Variants in ZC3H11A observed in about 807,000 individuals in gnomAD.
ZC3H11A encodes zinc finger CCCH-type containing 11A, also known as zinc finger CCCH domain-containing protein 11A.
In ZC3H11A, 22 loss-of-function variants were observed where a neutral mutation model predicts 90.8. The ratio of observed to expected loss-of-function variants is 0.24; its 90% CI spans 0.17 to 0.35. ZC3H11A has a LOEUF of 0.35. Among genes scored for constraint, ZC3H11A ranks in the 10% least tolerant of loss-of-function variants. The pLI is 1.00. For synonymous variants in ZC3H11A, 294 were observed against 339.8 expected, an observed-to-expected ratio of 0.87 and a Z score of 1.48; for missense variants, 701 against 964.9, an observed-to-expected ratio of 0.73 and a Z score of 3.62.
chr1:203,799,785 C>G (rs1210150224), intron 1 of ZC3H11A: 2 of 1,094,186 alleles, frequency 1.8e-6, no homozygotes, highest in African/African-American at 1.6e-5. Flanking sequence ...AGATACCCTA[C>G]TAAGTGCCAT....
intron 1 of ZC3H11A, chr1:203,798,875 C>T (rs750464914): frequency 1.5e-5 from 23 of 1,535,950 alleles, no homozygotes; most frequent in Non-Finnish European, 1.9e-5. Context: ...CAGAGACTTA[C>T]TTTTTCACTA....
intron 12 of ZC3H11A, among the ~76,000 whole-genome samples, chr1:203,845,226 G>A (rs150682835): frequency 2.6e-5 from 4 of 152,210 alleles, no homozygotes; most frequent in African/African-American, 4.8e-5. Flanking sequence ...CTCATTGCTG[G>A]TGTGGATTTA....
rs149659065 is a variant in ZC3H11A at position 203,850,791 on chromosome 1, T to G, written c.2106+110T>G. The G allele has an allele frequency of 1.5e-3, 2,165 of 1,430,066 alleles. 46 individuals carry two copies. In the East Asian group the frequency reaches 0.037, roughly 25 times the overall value. The allele number at this position is 1,430,066 out of a possible 1,614,324, so 88.6% of individuals were successfully genotyped here. On this transcript the variant is annotated intron_variant, in intron 16 of 17. Coordinates refer to ENST00000367210, the MANE Select transcript of ZC3H11A (RefSeq NM_001376342.1). The stretch of plus-strand genomic sequence containing the variant: ...GAGTATATCACTTCCTGGCATTTCC[T>G]AGCATTTTAGTAATTTGGGTTACTA...
chr1:203,832,419 G>C (rs1682693650), intron 9 of ZC3H11A, among the ~76,000 whole-genome samples: 1 of 151,680 alleles, frequency 6.6e-6, no homozygotes, highest in African/African-American at 2.4e-5. Context: ...AAAGTGCAAT[G>C]GTGCGATCTC....
At chr1:203,848,764 AC>A (rs1267038382) in intron 14 of ZC3H11A, among the ~76,000 whole-genome samples, 4 of 152,128 alleles carry the variant, frequency 2.6e-5, no homozygotes, top group African/African-American at 9.7e-5. Context: ...ATTGGCCATT[AC>A]TTTTTTTTAA....
intron 10 of ZC3H11A, among the ~76,000 whole-genome samples, chr1:203,834,774 C>A (rs1683695160): frequency 6.6e-6 from 1 of 152,172 alleles, no homozygotes; most frequent in Admixed American, 6.5e-5. Context: ...CTCAGCCTCT[C>A]AAGTAGCTGG....
intron 4 of ZC3H11A, among the ~76,000 whole-genome samples, chr1:203,825,664 A>G (rs532220530): frequency 2.0e-5 from 3 of 152,038 alleles, no homozygotes; most frequent in Non-Finnish European, 4.4e-5. Flanking sequence ...ACCTCAGGTG[A>G]TCAACCCACC....
At chr1:203,803,431 T>C (rs1216001021) in intron 2 of ZC3H11A, among the ~76,000 whole-genome samples, 1 of 152,182 alleles carries the variant, frequency 6.6e-6, no homozygotes. Flanking sequence ...CCTCAGGTGA[T>C]CCACCAGCCT....
At chr1:203,799,468 T>C (rs1289404173) in intron 1 of ZC3H11A, 1 of 702,996 alleles carries the variant, frequency 1.4e-6, no homozygotes, top group Non-Finnish European at 2.6e-6. Flanking sequence ...GGCCATTGGA[T>C]TTCTACTTTT....
chr1:203,821,037 C>T (rs1379654502), intron 4 of ZC3H11A, among the ~76,000 whole-genome samples: 1 of 152,144 alleles, frequency 6.6e-6, no homozygotes, highest in Admixed American at 6.5e-5. Context: ...TCTGTATCCT[C>T]ACCTGAATCT....
intron 2 of ZC3H11A, among the ~76,000 whole-genome samples, chr1:203,811,310 C>T (rs963279442): frequency 1.8e-4 from 28 of 152,198 alleles, no homozygotes; most frequent in African/African-American, 5.3e-4. Context: ...CTCGAAACTC[C>T]GTCTCCAGAT....
intron 10 of ZC3H11A, among the ~76,000 whole-genome samples, chr1:203,836,093 T>A (rs921348527): frequency 2.6e-5 from 4 of 152,040 alleles, no homozygotes; most frequent in Non-Finnish European, 5.9e-5. Flanking sequence ...TAGAAAAAAA[T>A]AATACTAAGC....
At chr1:203,797,891 C>A (rs768828298) in intron 1 of ZC3H11A, 2 of 1,535,972 alleles carry the variant, frequency 1.3e-6, no homozygotes, top group African/African-American at 2.7e-5. Flanking sequence ...AAAAACAGAT[C>A]TATCTACCTA....
intron 16 of ZC3H11A, 43 bp from the exon 17 acceptor site, chr1:203,851,014 A>T (rs1167674599): frequency 2.5e-6 from 4 of 1,599,818 alleles, no homozygotes; most frequent in Non-Finnish European, 3.4e-6. Context: ...CTCAAATTAA[A>T]AAGCCTGACT....
chr1:203,807,258 A>C (rs1672705053), intron 2 of ZC3H11A, among the ~76,000 whole-genome samples: 1 of 152,152 alleles, frequency 6.6e-6, no homozygotes, highest in African/African-American at 2.4e-5. Context: ...TCAGATGTCC[A>C]AAGCAGCTGT....
intron 1 of ZC3H11A, chr1:203,798,476 G>T: frequency 6.5e-7 from 1 of 1,536,124 alleles, no homozygotes; most frequent in Non-Finnish European, 8.7e-7. Context: ...CTATCCATTG[G>T]GCTGTTGCCA....
At position 203,810,480 on chromosome 1, in the gene ZC3H11A, C is replaced by T. The variant is rs143492327; in HGVS notation, c.-145-6446C>T. Among the ~76,000 whole-genome samples, 226 of 146,116 alleles carry T rather than the reference C, an allele frequency of 1.5e-3. 3 individuals are homozygous for T. The East Asian group carries it at 0.042, about 27-fold the overall frequency. On this transcript the variant is annotated intron_variant, in intron 2 of 17. Transcript: ENST00000367210. ...TGTCGCCCAGGCTAGAGTGCAGTGG[C>T]GCGATCTCAGCTCACTGCAACCTGC...
At chr1:203,847,108 C>G (rs554171829) in intron 12 of ZC3H11A, 76 bp from the exon 13 acceptor site, 1 of 1,509,352 alleles carries the variant, frequency 6.6e-7, no homozygotes, top group African/African-American at 1.4e-5. Context: ...CTGTCTTGAT[C>G]CAAGAATAGA....
chr1:203,842,225 G>A (rs1012134026), intron 12 of ZC3H11A, among the ~76,000 whole-genome samples: 1 of 152,180 alleles, frequency 6.6e-6, no homozygotes, highest in Non-Finnish European at 1.5e-5. Flanking sequence ...TGCAATCTCA[G>A]CACTTTGGGA....
Sources: allele counts gnomAD v4.1 joint callset (sites outside exome capture counted in the v4.1 genomes callset), GRCh38; gene constraint gnomAD v4.1.1; transcripts MANE v1.5; gene names NCBI Gene and HGNC (gene_info 2026-07-23, HGNC 2026-07-21).